The following AUTS2 variants were observed in gnomAD, a reference collection of about 807,000 sequenced individuals.
AUTS2 encodes the protein activator of transcription and developmental regulator AUTS2.
In AUTS2, 17 loss-of-function variants were observed where a neutral mutation model predicts 112.4. The observed-to-expected ratio is 0.15, with a 90% CI of 0.10 to 0.23. The LOEUF (loss-of-function observed/expected upper bound fraction) is 0.23. Among genes scored for constraint, AUTS2 ranks in the 10% least tolerant of loss-of-function variants. AUTS2 has a pLI of 1.00. For synonymous variants in AUTS2, 751 were observed against 702.7 expected (o/e 1.07, Z -1.09); for missense variants, 1,510 against 1,701.6 (o/e 0.89, Z 1.98).
chr7:70,183,411 G>T (rs1021825196), intron 4 of AUTS2, among the ~76,000 whole-genome samples: 6 of 152,144 alleles, frequency 3.9e-5, no homozygotes, highest in Non-Finnish European at 8.8e-5. Flanking sequence ...GCTCTACACC[G>T]CCAGGTGACA....
chr7:70,532,737 G>A (rs1172345160), intron 5 of AUTS2, among the ~76,000 whole-genome samples: 2 of 152,128 alleles, frequency 1.3e-5, no homozygotes, highest in East Asian at 3.9e-4. Flanking sequence ...CAAATACAGT[G>A]CCTCGTCTTG....
intron 1 of AUTS2, among the ~76,000 whole-genome samples, chr7:69,872,051 A>G (rs1034246598): frequency 4.6e-5 from 7 of 152,178 alleles, no homozygotes; most frequent in African/African-American, 1.7e-4. Flanking sequence ...GACATGTTCC[A>G]CTGTGTTATC....
chr7:70,720,175 G>A (rs553716942), intron 6 of AUTS2, among the ~76,000 whole-genome samples: 2 of 149,772 alleles, frequency 1.3e-5, no homozygotes, highest in South Asian at 2.2e-4. Flanking sequence ...AGATCAACAC[G>A]AAGTCTTTTT....
chr7:70,517,211 C>A (rs1205738666), intron 5 of AUTS2, among the ~76,000 whole-genome samples: 2 of 152,190 alleles, frequency 1.3e-5, no homozygotes, highest in Admixed American at 1.3e-4. Flanking sequence ...AGGATTCTTT[C>A]TTCTGTATAT....
intron 2 of AUTS2, among the ~76,000 whole-genome samples, chr7:70,058,081 T>G (rs994439675): frequency 1.3e-5 from 2 of 152,326 alleles, no homozygotes; most frequent in South Asian, 4.1e-4. Flanking sequence ...TTAGTGACAA[T>G]ACCTCCTATA....
intron 4 of AUTS2, among the ~76,000 whole-genome samples, chr7:70,247,366 G>C (rs1368446490): frequency 6.6e-6 from 1 of 152,132 alleles, no homozygotes. Flanking sequence ...CTGGTGGGAA[G>C]AGGGAATGGG....
At chr7:70,010,662 TAC>T (rs1799760897) in intron 2 of AUTS2, among the ~76,000 whole-genome samples, 2 of 152,210 alleles carry the variant, frequency 1.3e-5, no homozygotes, top group Non-Finnish European at 2.9e-5. Flanking sequence ...CAGTTGATAC[TAC>T]AGCATTATGT....
intron 1 of AUTS2, among the ~76,000 whole-genome samples, chr7:69,702,835 C>T (rs941785571): frequency 6.6e-6 from 1 of 152,166 alleles, no homozygotes; most frequent in African/African-American, 2.4e-5. Flanking sequence ...AGAGGCTCTC[C>T]AAGATCCTCC....
intron 1 of AUTS2, among the ~76,000 whole-genome samples, chr7:69,819,792 G>A (rs1023681876): frequency 5.9e-5 from 9 of 152,168 alleles, no homozygotes; most frequent in Admixed American, 2.6e-4. Flanking sequence ...TAATTTTAGT[G>A]TATTTTTGCA....
chr7:70,535,919 G>A (rs1285045995), intron 5 of AUTS2, among the ~76,000 whole-genome samples: 1 of 152,186 alleles, frequency 6.6e-6, no homozygotes, highest in Non-Finnish European at 1.5e-5. Context: ...TCCAAGGAGG[G>A]AGTGTAAAAC....
intron 4 of AUTS2, among the ~76,000 whole-genome samples, chr7:70,165,981 T>G (rs1425387379): frequency 6.6e-6 from 1 of 151,712 alleles, no homozygotes; most frequent in African/African-American, 2.4e-5. Context: ...TCTCATGAGA[T>G]CTGGTGGTTT....
intron 1 of AUTS2, among the ~76,000 whole-genome samples, chr7:69,631,175 C>CTT (rs879307779): frequency 6.2e-5 from 9 of 145,572 alleles, no homozygotes; most frequent in African/African-American, 2.3e-4. Context: ...TGTGTACACA[C>CTT]TTTTTTTTTT....
intron 4 of AUTS2, among the ~76,000 whole-genome samples, chr7:70,420,475 T>C (rs139241043): frequency 0.012 from 1,892 of 152,248 alleles, 24 homozygotes; most frequent in Middle Eastern, 0.044. Context: ...TAGGGTAAAA[T>C]AAACCCTCTG....
At chr7:69,620,607 T>C (rs1325101940) in intron 1 of AUTS2, among the ~76,000 whole-genome samples, 1 of 152,098 alleles carries the variant, frequency 6.6e-6, no homozygotes, top group Admixed American at 6.6e-5. Flanking sequence ...ACAGAAAAAA[T>C]ATTCCCAGCA....
At chr7:70,559,229 A>G (rs573333937) in intron 5 of AUTS2, among the ~76,000 whole-genome samples, 3 of 152,222 alleles carry the variant, frequency 2.0e-5, no homozygotes, top group Admixed American at 2.0e-4. Context: ...GAGTCCGTTA[A>G]ATCTCTTTTT....
chr7:70,213,576 C>A (rs1044247567), intron 4 of AUTS2, among the ~76,000 whole-genome samples: 1 of 151,596 alleles, frequency 6.6e-6, no homozygotes, highest in African/African-American at 2.4e-5. Context: ...AAATGCACTT[C>A]AACTTTGAAC....
At chr7:70,785,269 G>T (rs1456434988) in intron 16 of AUTS2, 2 of 617,994 alleles carry the variant, frequency 3.2e-6, no homozygotes, top group African/African-American at 3.6e-5. Flanking sequence ...ACTTCCCATG[G>T]TGCAGTGGGT....
chr7:70,378,019 G>T (rs556067583), intron 4 of AUTS2, among the ~76,000 whole-genome samples: 1 of 151,388 alleles, frequency 6.6e-6, no homozygotes, highest in East Asian at 1.9e-4. Flanking sequence ...CTTGTGATCC[G>T]CCCATCTCAG....
At chr7:69,628,660 G>A (rs1025885802) in intron 1 of AUTS2, among the ~76,000 whole-genome samples, 1 of 152,144 alleles carries the variant, frequency 6.6e-6, no homozygotes, top group African/African-American at 2.4e-5. Flanking sequence ...TCTTCATATG[G>A]CTAGAGCAGG....
Sources: allele counts gnomAD v4.1 joint callset (sites outside exome capture counted in the v4.1 genomes callset), GRCh38; gene constraint gnomAD v4.1.1; transcripts MANE v1.5; gene names NCBI Gene and HGNC (gene_info 2026-07-23, HGNC 2026-07-21).